SLC6A16: variants seen among roughly 807,000 people sequenced by gnomAD.
The protein encoded by SLC6A16 is orphan sodium- and chloride-dependent neurotransmitter transporter NTT5.
SLC6A16 carries 54 observed loss-of-function variants against 65.4 expected under a neutral mutation model. The observed-to-expected ratio is 0.83, with a 90% CI of 0.66 to 1.04. The LOEUF is 1.04. Ranked by LOEUF, SLC6A16 falls within the 50% of genes least tolerant of loss-of-function variation. SLC6A16 has a pLI of 0.00. For synonymous variants in SLC6A16, 330 were observed against 346.5 expected (o/e 0.95, Z 0.53); for missense variants, 816 against 914.0 (o/e 0.89, Z 1.38).
intron 7 of SLC6A16, among the ~76,000 whole-genome samples, chr19:49,303,438 G>A (rs1296955445): frequency 6.6e-6 from 1 of 152,108 alleles, no homozygotes; most frequent in Non-Finnish European, 1.5e-5. Flanking sequence ...CATGAGGCCA[G>A]GAGTTCAAGA....
At chr19:49,337,021 C>T in the SLC6A16 span, 2 of 1,613,190 alleles carry the variant, frequency 1.2e-6, no homozygotes, top group South Asian at 1.1e-5. Flanking sequence ...AGCTCCGCTG[C>T]CTCCTGGGCC....
At chr19:49,324,149 G>C (rs1051575991) in intron 1 of SLC6A16, among the ~76,000 whole-genome samples, 3 of 152,138 alleles carry the variant, frequency 2.0e-5, no homozygotes, top group African/African-American at 7.2e-5. Context: ...GGCCAACACA[G>C]TGAAACCCCG....
chr19:49,309,277 G>A, intron 6 of SLC6A16, 24 bp downstream of exon 6: 1 of 1,591,838 alleles, frequency 6.3e-7, no homozygotes, highest in African/African-American at 1.3e-5. Context: ...AGGCCTGACG[G>A]GGGAGTGAGG....
chr19:49,293,454 A>G, intron 9 of SLC6A16, 72 bp from the exon 10 acceptor site: 1 of 1,478,926 alleles, frequency 6.8e-7, no homozygotes, highest in Non-Finnish European at 9.3e-7. Flanking sequence ...TAGAGGCCAT[A>G]GACCAGGGCT....
chr19:49,296,046 T>C (rs1400232987), intron 7 of SLC6A16, among the ~76,000 whole-genome samples: 2 of 152,082 alleles, frequency 1.3e-5, no homozygotes, highest in Admixed American at 6.6e-5. Context: ...CTGGAGTGCA[T>C]TGGTGCGATC....
At chr19:49,322,644 A>AG (rs964638828) in intron 1 of SLC6A16, among the ~76,000 whole-genome samples, 5 of 151,150 alleles carry the variant, frequency 3.3e-5, no homozygotes, top group African/African-American at 1.2e-4. Context: ...CAAAAAAAAA[A>AG]AAAAAAAGAA....
chr19:49,295,773 G>T (rs575352569), intron 7 of SLC6A16, among the ~76,000 whole-genome samples: 268 of 152,206 alleles, frequency 1.8e-3, no homozygotes, highest in Non-Finnish European at 3.1e-3. Flanking sequence ...GGCCATGGAG[G>T]CCAGATATAA....
At chr19:49,319,815 C>T (rs986756051) in intron 1 of SLC6A16, among the ~76,000 whole-genome samples, 19 of 151,946 alleles carry the variant, frequency 1.3e-4, no homozygotes, top group Non-Finnish European at 2.4e-4. Context: ...AATTTGTAGG[C>T]CACAAATTTC....
At chr19:49,296,622 C>A (rs1970191972) in intron 7 of SLC6A16, among the ~76,000 whole-genome samples, 1 of 152,116 alleles carries the variant, frequency 6.6e-6, no homozygotes, top group Non-Finnish European at 1.5e-5. Context: ...TTGCCTCATA[C>A]CTTATACAGA....
At chr19:49,337,481 G>A in the SLC6A16 span, 1 of 611,064 alleles carries the variant, frequency 1.6e-6, no homozygotes, top group Non-Finnish European at 2.7e-6. Flanking sequence ...AAAAATCCGG[G>A]TGTGATGGTG....
intron 7 of SLC6A16, among the ~76,000 whole-genome samples, chr19:49,301,746 A>G (rs957216040): frequency 2.6e-5 from 4 of 152,160 alleles, no homozygotes; most frequent in African/African-American, 9.7e-5. Context: ...AAGCTGTTCA[A>G]TACCATGGTC....
intron 8 of SLC6A16, 115 bp downstream of exon 8, chr19:49,294,252 C>T (rs1402676223): frequency 9.4e-7 from 1 of 1,061,114 alleles, no homozygotes; most frequent in Non-Finnish European, 1.4e-6. Context: ...TACTGAGAGC[C>T]ACAGATGATT....
chr19:49,294,805 G>A (rs760602643), intron 7 of SLC6A16, among the ~76,000 whole-genome samples: 5 of 152,054 alleles, frequency 3.3e-5, no homozygotes, highest in Non-Finnish European at 4.4e-5. Flanking sequence ...GGACTCTGTG[G>A]TCTCTGCTCT....
chr19:49,308,841 G>A (rs1970446797), intron 7 of SLC6A16, 35 bp downstream of exon 7: 1 of 1,611,620 alleles, frequency 6.2e-7, no homozygotes, highest in Non-Finnish European at 8.5e-7. Context: ...AAAGTTCCCT[G>A]GAGCTGAGAC....
upstream of SLC6A16, among the ~76,000 whole-genome samples, chr19:49,328,677 A>G (rs191423191): frequency 6.6e-5 from 10 of 152,314 alleles, no homozygotes; most frequent in East Asian, 1.2e-3. Context: ...ACTTTGAAAG[A>G]TAAAGTCTAT....
At position 49,290,037 on chromosome 19, in the gene SLC6A16, G is replaced by A; in HGVS notation, c.*86C>T. 1 of 1,388,448 alleles carries A rather than the reference G, an allele frequency of 7.2e-7. No homozygotes were observed. The highest frequency in any genetic ancestry group is 9.9e-7 in the Non-Finnish European group (1 of 1,011,508). 86.0% of individuals were successfully genotyped at this position (1,388,448 alleles called of 1,614,324 possible). A position where few individuals can be genotyped will look rare whatever the true frequency, so the allele number is the denominator to read the frequency against. On this transcript the variant is annotated 3_prime_UTR_variant, in exon 12 of 12. Coordinates refer to ENST00000335875, the MANE Select transcript of SLC6A16 (RefSeq NM_014037.3). Reference sequence around the variant, plus strand: ...GAAATAAAAGTGGTTCTGGATCCAGGGAGATCAACAGTTGCAAGCTGATAT... The same window carrying A: ...GAAATAAAAGTGGTTCTGGATCCAGAGAGATCAACAGTTGCAAGCTGATAT...
At chr19:49,322,270 A>G (rs1970724349) in intron 1 of SLC6A16, among the ~76,000 whole-genome samples, 1 of 152,228 alleles carries the variant, frequency 6.6e-6, no homozygotes, top group Non-Finnish European at 1.5e-5. Flanking sequence ...ATTTTTATAC[A>G]CTAACAATGA....
chr19:49,333,211 G>T, the SLC6A16 span, among the ~76,000 whole-genome samples: 5 of 151,646 alleles, frequency 3.3e-5, no homozygotes, highest in South Asian at 6.2e-4. Flanking sequence ...GGTGGCTCAT[G>T]CCTGTAATCC....
the SLC6A16 span, among the ~76,000 whole-genome samples, chr19:49,330,890 C>T: frequency 1.2e-4 from 18 of 150,062 alleles, no homozygotes; most frequent in African/African-American, 1.2e-4. Flanking sequence ...TGCAGTGAGC[C>T]GAGGTTGTGC....
Sources: gnomAD v4.1 joint callset for allele counts (sites outside exome capture counted in the v4.1 genomes callset) on GRCh38, gnomAD v4.1.1 for gene constraint, MANE v1.5 for transcripts, NCBI Gene and HGNC (gene_info 2026-07-23, HGNC 2026-07-21) for gene names.